The following ASTN2 variants were observed in gnomAD, a reference collection of about 807,000 sequenced individuals.
ASTN2 encodes astrotactin 2.
A neutral mutation model predicts 139.8 loss-of-function variants in ASTN2; 54 were observed. The observed-to-expected ratio is 0.39, with a 90% CI of 0.31 to 0.48. The LOEUF is 0.48. Among genes scored for constraint, ASTN2 ranks in the 20% least tolerant of loss-of-function variants. The pLI is 0.95. For missense variants in ASTN2, 1,565 were observed against 1,725.1 expected, an observed-to-expected ratio of 0.91 and a Z score of 1.64; for synonymous variants, 756 against 719.5, an observed-to-expected ratio of 1.05 and a Z score of -0.81.
At chr9:116,767,824 T>C (rs1829850031) in intron 13 of ASTN2, among the ~76,000 whole-genome samples, 2 of 152,022 alleles carry the variant, frequency 1.3e-5, no homozygotes, top group Admixed American at 1.3e-4. Flanking sequence ...GGTAAATATC[T>C]CCAGAAGGAA....
chr9:117,261,427 A>C (rs1313600217), intron 2 of ASTN2, among the ~76,000 whole-genome samples: 1 of 152,198 alleles, frequency 6.6e-6, no homozygotes, highest in African/African-American at 2.4e-5. Flanking sequence ...AAGTTTACAC[A>C]GCTTCAAAGC....
chr9:116,739,005 T>A (rs557404709), intron 13 of ASTN2, among the ~76,000 whole-genome samples: 32 of 103,060 alleles, frequency 3.1e-4, no homozygotes, highest in South Asian at 1.2e-3. Context: ...AAACACAACA[T>A]TCACTTACAC....
In ASTN2 at chr9:116,698,016, A is replaced by G. The variant is rs1860959982; in HGVS notation, c.2806+27755T>C. ...AAAGATCATTGATACAGCTGGGCTC[A>G]GCGAGGCTGTGGGGCTGCTCATGTG... is the stretch of plus-strand genomic sequence containing the variant. On this transcript the variant is annotated intron_variant, in intron 16 of 22. Transcript: ENST00000313400. The surrounding 1 kb of genome is among the most constrained non-coding windows in gnomAD (Gnocchi z 4.4). The G allele has an allele frequency of 4.3e-6, 7 of 1,614,016 alleles. No homozygotes were observed. Among genetic ancestry groups the G allele is most frequent in the Non-Finnish European group, 5.1e-6 (6 of 1,180,058 alleles).
At chr9:117,012,639 A>G (rs1332945315) in intron 6 of ASTN2, among the ~76,000 whole-genome samples, 1 of 152,160 alleles carries the variant, frequency 6.6e-6, no homozygotes, top group East Asian at 1.9e-4. Flanking sequence ...GAAAAAGGGG[A>G]CTCAAAGAGG....
intron 4 of ASTN2, among the ~76,000 whole-genome samples, chr9:117,123,968 C>A (rs1379839529): frequency 2.0e-5 from 3 of 152,202 alleles, no homozygotes; most frequent in African/African-American, 7.2e-5. Context: ...ACTCACATGC[C>A]TGGCACGTAG....
At chr9:116,859,802 G>A (rs925927580) in intron 11 of ASTN2, among the ~76,000 whole-genome samples, 14 of 152,252 alleles carry the variant, frequency 9.2e-5, no homozygotes, top group African/African-American at 3.4e-4. Context: ...TTGACAGCAA[G>A]CATGGTGAGT....
chr9:117,007,175 A>G (rs1411221164), intron 7 of ASTN2, among the ~76,000 whole-genome samples: 1 of 152,138 alleles, frequency 6.6e-6, no homozygotes, highest in Non-Finnish European at 1.5e-5. Context: ...TCATCTTCTC[A>G]GAGAGGCCTC....
chr9:116,720,560 T>TTC (rs3041029), intron 16 of ASTN2, among the ~76,000 whole-genome samples: 27,175 of 148,760 alleles, frequency 0.18, 2,993 homozygotes, highest in Non-Finnish European at 0.26. Flanking sequence ...CTCCCCTCTT[T>TTC]TCTCTCTCTC....
At chr9:117,273,486 G>C (rs1013372533) in intron 2 of ASTN2, among the ~76,000 whole-genome samples, 8 of 152,176 alleles carry the variant, frequency 5.3e-5, no homozygotes, top group Admixed American at 5.2e-4. Flanking sequence ...GATTAGATAA[G>C]GGACGAGTGT....
intron 4 of ASTN2, among the ~76,000 whole-genome samples, chr9:117,110,332 G>T (rs1461655503): frequency 1.1e-4 from 17 of 152,100 alleles, no homozygotes; most frequent in African/African-American, 4.1e-4. Flanking sequence ...CTAGACACAG[G>T]ATGGGCTTTA....
intron 7 of ASTN2, among the ~76,000 whole-genome samples, chr9:116,992,897 C>T (rs1836898555): frequency 6.6e-6 from 1 of 152,174 alleles, no homozygotes; most frequent in Non-Finnish European, 1.5e-5. Context: ...AATGCAATAT[C>T]TGGATTCTGA....
intron 3 of ASTN2, among the ~76,000 whole-genome samples, chr9:117,174,444 TCAAA>T (rs1177905769): frequency 6.6e-6 from 1 of 151,884 alleles, no homozygotes; most frequent in Non-Finnish European, 1.5e-5. Context: ...TAGACAAACA[TCAAA>T]CAAATAGACT....
intron 20 of ASTN2, among the ~76,000 whole-genome samples, chr9:116,465,663 C>T (rs546976638): frequency 6.6e-6 from 1 of 152,136 alleles, no homozygotes; most frequent in Non-Finnish European, 1.5e-5. Flanking sequence ...GAAGCAGCTG[C>T]AGTTTCCATT....
At chr9:116,639,803 A>G (rs532601539) in intron 17 of ASTN2, among the ~76,000 whole-genome samples, 3 of 152,338 alleles carry the variant, frequency 2.0e-5, no homozygotes, top group Admixed American at 2.0e-4. Flanking sequence ...TTCCTTATCT[A>G]AAAAATGAAG....
intron 17 of ASTN2, among the ~76,000 whole-genome samples, chr9:116,622,845 C>G (rs1856233290): frequency 6.6e-6 from 1 of 152,218 alleles, no homozygotes; most frequent in Non-Finnish European, 1.5e-5. Context: ...GTGCCAGAAC[C>G]TATGCTAAGA....
At chr9:117,224,541 G>A (rs1284759086) in intron 2 of ASTN2, among the ~76,000 whole-genome samples, 1 of 152,174 alleles carries the variant, frequency 6.6e-6, no homozygotes, top group Admixed American at 6.5e-5. Context: ...GGGGTAAGTA[G>A]GTGGGATTGG....
chr9:117,358,671 G>A (rs1050981308), intron 1 of ASTN2, among the ~76,000 whole-genome samples: 1 of 152,100 alleles, frequency 6.6e-6, no homozygotes. Flanking sequence ...GACTTTCTCA[G>A]CATCTGCTCT....
chr9:116,798,238 G>A (rs1047255332), intron 13 of ASTN2, among the ~76,000 whole-genome samples: 1 of 152,176 alleles, frequency 6.6e-6, no homozygotes, highest in Non-Finnish European at 1.5e-5. Context: ...GCCACTGCAC[G>A]CCAGCCTGGG....
rs191852183 is a variant in ASTN2, at chr9:117,224,102, A to T, written c.631-9360T>A. On this transcript the variant is annotated intron_variant, in intron 2 of 22. Coordinates refer to ENST00000313400, the MANE Select transcript of ASTN2 (RefSeq NM_001365068.1). ...TGAATTCTATAAAAATTTATCAAGG[A>T]GAAAGCTAAGGAATGCTTGGAGACA... Among the ~76,000 whole-genome samples the T allele has an allele frequency of 3.2e-3, 486 of 152,350 alleles. 5 individuals are homozygous for T. The highest frequency in any genetic ancestry group is 0.011 in the African/African-American group (463 of 41,582).
Sources: gnomAD v4.1 joint callset for allele counts (sites outside exome capture counted in the v4.1 genomes callset) on GRCh38, gnomAD v4.1.1 for gene constraint, Gnocchi (gnomAD v3.1) non-coding constraint, MANE v1.5 for transcripts, NCBI Gene and HGNC (gene_info 2026-07-23, HGNC 2026-07-21) for gene names.